The following OR13A1 variants were observed in gnomAD, a reference collection of about 807,000 sequenced individuals.
OR13A1 encodes olfactory receptor family 13 subfamily A member 1.
Under a neutral mutation model 7.5 loss-of-function variants are expected in OR13A1, and 10 were observed. That is an observed-to-expected ratio of 1.34 (90% CI 0.83 to 2.27). The LOEUF is 2.27. OR13A1 is among the 30% of genes most tolerant of loss of function. The pLI, the probability that OR13A1 is intolerant of heterozygous loss-of-function variation, is 0.00. For synonymous variants in OR13A1, 238 were observed against 177.9 expected (o/e 1.34, Z -2.69); for missense variants, 509 against 419.1 (o/e 1.21, Z -1.87).
rs757933352 is a variant in OR13A1 at position 45,303,927 on chromosome 10, C to T, written c.496G>A (p.Val166Met). The change falls in exon 4 of 4, where the codon GTG becomes ATG. Residue 166 changes from valine to methionine, a missense_variant. Transcript: ENST00000553795. ...GTGTTGACGGCGCAGAGCAGCCACA[C>T]GGCTGTGGCCAGCCCGCTGCAGAAC... ...KVFCSGLATAVWLLCAVNTAI... is the reference protein window; with the variant it reads ...KVFCSGLATAMWLLCAVNTAI... The T allele has an allele frequency of 1.9e-6, 3 of 1,613,712 alleles. No individual in the cohort carries two copies. The highest frequency in any genetic ancestry group is 1.6e-4 in the Middle Eastern group (1 of 6,062).
chr10:45,311,388 G>C, intron 1 of OR13A1, among the ~76,000 whole-genome samples: 1 of 152,006 alleles, frequency 6.6e-6, no homozygotes, highest in Non-Finnish European at 1.5e-5. Flanking sequence ...TTCAGTCTTG[G>C]TTGAGCTCCA....
chr10:45,304,376 G>T lies in OR13A1; in HGVS notation c.47C>A (p.Pro16His). The change falls in exon 4 of 4, where the codon CCC becomes CAC. Residue 16 changes from proline (P) to histidine (H), a missense_variant. Physicochemically the swap from Pro to His is moderately conservative, Grantham distance 77. Transcript: ENST00000553795. ...CTGGTTACTCATCATCCTTGGGCTGGGACGGGTTTCTGGGACTATCAGGTG... is the reference window on the plus strand; with the variant it reads ...CTGGTTACTCATCATCCTTGGGCTGTGACGGGTTTCTGGGACTATCAGGTG... Reference protein sequence around the residue: ...ESHLIVPETRPSPRMMSNQTL... With the variant: ...ESHLIVPETRHSPRMMSNQTL... 1 of 1,614,004 alleles carries T rather than the reference G, an allele frequency of 6.2e-7. No individual in the cohort carries two copies. Among genetic ancestry groups the T allele is most frequent in the Non-Finnish European group, 8.5e-7 (1 of 1,179,998 alleles).
rs35302355 is a variant in OR13A1 at position 45,303,617 on chromosome 10, T to TA, written c.805dup (p.Tyr269LeufsTer66). Reference sequence around the variant, plus strand: ...GTAGGCGTAGAAGACAGCGGTGTAATACATGCACACCACGGTGAGGTGGGA... The same window carrying TA: ...GTAGGCGTAGAAGACAGCGGTGTAATAACATGCACACCACGGTGAGGTGGGA... On this transcript the variant is annotated frameshift_variant, in exon 4 of 4. Coordinates refer to ENST00000553795, the MANE Select transcript of OR13A1 (RefSeq NM_001004297.3). LOFTEE classifies it low-confidence loss of function (END_TRUNC). 0.035 allele frequency: 56,243 copies of TA among 1,614,054 alleles called. 1,196 individuals carry two copies. The highest frequency in any genetic ancestry group is 0.13 in the Middle Eastern group (763 of 6,062).
chr10:45,310,133 A>G (rs1838413643), intron 1 of OR13A1, among the ~76,000 whole-genome samples: 3 of 152,252 alleles, frequency 2.0e-5, no homozygotes, highest in Admixed American at 6.5e-5. Context: ...AAGATCCATG[A>G]ACAAGGAATT....
chr10:45,307,044 C>T (rs977213327), intron 3 of OR13A1, among the ~76,000 whole-genome samples: 3 of 152,180 alleles, frequency 2.0e-5, no homozygotes, highest in Non-Finnish European at 4.4e-5. Flanking sequence ...GAGGTTTCTG[C>T]ACTTCCGACT....
rs144845415 is a variant in OR13A1 at position 45,303,754 on chromosome 10, G to T, written c.669C>A (p.Phe223Leu). ...TCATCAGGAAGTTCACTATGCCGTA[G>T]AAAGCATCCGCCAGGACAATCATGA... ...NGVMIVLADA[F>L]YGIVNFLMTI... The change falls in exon 4 of 4, where the codon TTC becomes TTA. Residue 223 changes from phenylalanine (F) to leucine (L), a missense_variant. Physicochemically the swap from Phe to Leu is conservative, Grantham distance 22. Transcript: ENST00000553795. The T allele has an allele frequency of 1.4e-4, 226 of 1,614,062 alleles. No homozygotes were observed. The highest frequency in any genetic ancestry group is 5.0e-4 in the Admixed American group (30 of 60,016).
At chr10:45,315,423 A>G (rs995409699) in intron 1 of OR13A1, 101 bp downstream of exon 1, 5 of 152,230 alleles carry the variant, frequency 3.3e-5, no homozygotes, top group Non-Finnish European at 5.9e-5. Context: ...AATGTTTAAC[A>G]AAATTTAACA....
In OR13A1 at chr10:45,311,517, C is replaced by T. The variant is rs542274075; in HGVS notation, c.-224-3709G>A. 2.0e-5 allele frequency among the ~76,000 whole-genome samples: 3 copies of T among 152,166 alleles called. No individual in the cohort carries two copies. In the South Asian group the frequency reaches 6.2e-4, roughly 32 times the overall value. On this transcript the variant is annotated intron_variant, in intron 1 of 3. Coordinates refer to ENST00000553795, the MANE Select transcript of OR13A1 (RefSeq NM_001004297.3). ...TTGCGACAGGGTCTTGATATAATAT[C>T]CATACTAGGTATAATTTGCATACCA...
intron 2 of OR13A1, 35 bp from the exon 3 acceptor site, chr10:45,307,602 T>A (rs1838359579): frequency 1.3e-5 from 2 of 152,218 alleles, no homozygotes; most frequent in African/African-American, 4.8e-5. Context: ...CCCTTGAGTT[T>A]CATAGGGCAT....
chr10:45,312,017 CA>C (rs570860412), intron 1 of OR13A1, among the ~76,000 whole-genome samples: 1 of 151,744 alleles, frequency 6.6e-6, no homozygotes, highest in Non-Finnish European at 1.5e-5. Flanking sequence ...TTAGACATTG[CA>C]AAAAAATTAG....
intron 3 of OR13A1, 104 bp from the exon 4 acceptor site, chr10:45,304,538 TAAGATA>T: frequency 2.1e-6 from 2 of 940,288 alleles, no homozygotes; most frequent in South Asian, 3.2e-5. Flanking sequence ...GCATATTGAT[TAAGATA>T]AACACCCCAA....
Position 45,303,465 on chromosome 10 carries a change from T to C in OR13A1, c.958A>G (p.Arg320Gly), listed in dbSNP as rs1240297789. ...LRNKEVKAALRKLFPFFRN is the reference protein window; with the variant it reads ...LRNKEVKAALGKLFPFFRN The stretch of plus-strand genomic sequence containing the variant: ...TTTCTGAAGAAAGGGAAAAGCTTCC[T>C]GAGGGCTGCTTTGACCTCCTTGTTT... Residue 320 changes from arginine (R) to glycine (G), a missense_variant, in exon 4 of 4, where the codon AGG becomes GGG. Arg to Gly is a moderately radical substitution (Grantham distance 125). Transcript: ENST00000553795. The C allele has an allele frequency of 5.0e-6, 8 of 1,600,108 alleles. No individual in the cohort carries two copies. The highest frequency in any genetic ancestry group is 1.7e-5 in the Admixed American group (1 of 57,882).
intron 1 of OR13A1, among the ~76,000 whole-genome samples, chr10:45,314,205 G>C (rs1213686321): frequency 6.6e-6 from 1 of 152,114 alleles, no homozygotes. Context: ...AATATCTTGA[G>C]ATAAAGGAAA....
intron 1 of OR13A1, among the ~76,000 whole-genome samples, chr10:45,313,290 C>T (rs140667354): frequency 6.8e-6 from 1 of 148,084 alleles, no homozygotes; most frequent in African/African-American, 2.5e-5. Flanking sequence ...AGAATACACA[C>T]AAAAGGAAAC....
intron 1 of OR13A1, among the ~76,000 whole-genome samples, chr10:45,312,033 T>C (rs576401669): frequency 2.0e-5 from 3 of 151,964 alleles, no homozygotes; most frequent in African/African-American, 7.2e-5. Flanking sequence ...AATTAGCAAA[T>C]TAGGGAAAAG....
In OR13A1 at chr10:45,304,338, C is replaced by A. The variant is rs200530280; in HGVS notation, c.85G>T (p.Glu29Ter). Residue 29 changes from glutamate (E) to a stop codon, truncating the protein, a stop_gained, in exon 4 of 4, where the codon GAG becomes TAG. Coordinates refer to ENST00000553795, the MANE Select transcript of OR13A1 (RefSeq NM_001004297.3). LOFTEE classifies it high-confidence loss of function. The stretch of plus-strand genomic sequence containing the variant: ...TCCGAAAAGCCCTGCAGGATGAACT[C>A]GGTTACCAACGTCTGGTTACTCATC... ...RMMSNQTLVT[E>*]FILQGFSEHP... The A allele has an allele frequency of 4.1e-5, 66 of 1,614,016 alleles. No individual in the cohort carries two copies. The highest frequency in any genetic ancestry group is 5.5e-5 in the Non-Finnish European group (65 of 1,180,028).
intron 1 of OR13A1, among the ~76,000 whole-genome samples, chr10:45,308,386 C>T (rs1483719336): frequency 6.6e-6 from 1 of 152,130 alleles, no homozygotes; most frequent in Non-Finnish European, 1.5e-5. Context: ...TTGTTGGTTG[C>T]CTCCATAAAT....
At chr10:45,313,910 G>A (rs7091103) in intron 1 of OR13A1, among the ~76,000 whole-genome samples, 28,372 of 152,036 alleles carry the variant, frequency 0.19, 4,035 homozygotes, top group African/African-American at 0.39. Context: ...TATAAATAGT[G>A]CTAACAAACA....
At chr10:45,306,220 C>T (rs780084540) in intron 3 of OR13A1, among the ~76,000 whole-genome samples, 1 of 152,068 alleles carries the variant, frequency 6.6e-6, no homozygotes, top group Admixed American at 6.5e-5. Context: ...TTTGGGAGGC[C>T]GTGGAGGGTG....
Sources: gnomAD v4.1 joint callset for allele counts (sites outside exome capture counted in the v4.1 genomes callset) on GRCh38, gnomAD v4.1.1 for gene constraint, MANE v1.5 for transcripts, NCBI Gene and HGNC (gene_info 2026-07-23, HGNC 2026-07-21) for gene names.